CDH13: variants seen among roughly 807,000 people sequenced by gnomAD.
CDH13 encodes the protein cadherin 13, also known as cadherin-13.
A neutral mutation model predicts 63.8 loss-of-function variants in CDH13; 24 were observed. That is an observed-to-expected ratio of 0.38 (90% CI 0.27 to 0.53). The LOEUF is 0.53. CDH13 is among the 20% of genes least tolerant of loss of function. The pLI is 0.85. For missense variants in CDH13, 1,049 were observed against 903.1 expected (o/e 1.16, Z -2.07); for synonymous variants, 503 against 355.3 (o/e 1.42, Z -4.67).
chr16:82,632,007 A>G (rs1908064560), intron 1 of CDH13, among the ~76,000 whole-genome samples: 1 of 152,142 alleles, frequency 6.6e-6, no homozygotes, highest in African/African-American at 2.4e-5. Flanking sequence ...TTTGGCTCAA[A>G]TGTTTTGCAA....
At chr16:83,529,962 A>C (rs1451906572) in intron 7 of CDH13, among the ~76,000 whole-genome samples, 4 of 152,164 alleles carry the variant, frequency 2.6e-5, no homozygotes, top group Admixed American at 1.3e-4. Flanking sequence ...GTGCAAAAGA[A>C]CTTGTGAAAT....
At chr16:83,307,234 T>C (rs1274107419) in intron 5 of CDH13, among the ~76,000 whole-genome samples, 3 of 152,180 alleles carry the variant, frequency 2.0e-5, no homozygotes, top group Non-Finnish European at 2.9e-5. Flanking sequence ...CTGTGGGTGA[T>C]TGTGGCGATA....
chr16:82,772,981 A>T (rs999198467), intron 1 of CDH13, among the ~76,000 whole-genome samples: 2 of 152,006 alleles, frequency 1.3e-5, no homozygotes, highest in African/African-American at 4.8e-5. Context: ...GGTTATCAGG[A>T]AAAAAAACCA....
chr16:83,545,529 C>A (rs970007340), intron 7 of CDH13, among the ~76,000 whole-genome samples: 8 of 152,208 alleles, frequency 5.3e-5, no homozygotes, highest in African/African-American at 1.9e-4. Context: ...ACAAGGCCTT[C>A]ATGGCTGTTC....
At chr16:83,141,196 C>G (rs551390692) in intron 4 of CDH13, among the ~76,000 whole-genome samples, 70 of 152,294 alleles carry the variant, frequency 4.6e-4, no homozygotes, top group African/African-American at 1.6e-3. Context: ...GCTCCAAATA[C>G]CTCACTTGAT....
chr16:82,807,138 C>T (rs574136714), intron 1 of CDH13, among the ~76,000 whole-genome samples: 17 of 148,830 alleles, frequency 1.1e-4, no homozygotes, highest in African/African-American at 3.5e-4. Flanking sequence ...TTACTGACAA[C>T]AGACATTGCC....
chr16:83,275,726 A>G (rs1000521642), intron 5 of CDH13, among the ~76,000 whole-genome samples: 2 of 152,108 alleles, frequency 1.3e-5, no homozygotes, highest in Non-Finnish European at 2.9e-5. Context: ...GTTATACGTC[A>G]TTTCTGAACC....
chr16:83,669,308 G>A (rs1291289470), intron 8 of CDH13, among the ~76,000 whole-genome samples: 1 of 152,178 alleles, frequency 6.6e-6, no homozygotes, highest in Non-Finnish European at 1.5e-5. Flanking sequence ...TCCTGAATTG[G>A]AATAGGACTC....
chr16:83,490,018 C>CAT (rs1218189829), intron 7 of CDH13, among the ~76,000 whole-genome samples: 4 of 135,892 alleles, frequency 2.9e-5, no homozygotes, highest in Admixed American at 1.4e-4. Flanking sequence ...ACCACACACA[C>CAT]ACACACACAC....
chr16:83,706,697 G>A (rs1907113272), intron 10 of CDH13, among the ~76,000 whole-genome samples: 1 of 152,162 alleles, frequency 6.6e-6, no homozygotes, highest in Admixed American at 6.5e-5. Context: ...AGGCATGTGT[G>A]TGCACACACA....
chr16:83,615,400 A>G (rs1470512236), intron 8 of CDH13, among the ~76,000 whole-genome samples: 1 of 152,194 alleles, frequency 6.6e-6, no homozygotes, highest in Non-Finnish European at 1.5e-5. Flanking sequence ...GTGGAGTCCA[A>G]GACATTTTAA....
At chr16:82,840,549 G>T (rs187055188) in intron 1 of CDH13, among the ~76,000 whole-genome samples, 1 of 151,844 alleles carries the variant, frequency 6.6e-6, no homozygotes, top group African/African-American at 2.4e-5. Flanking sequence ...GCCAGGTATG[G>T]TGGCACGTGC....
At chr16:83,429,035 G>T (rs1243367866) in intron 6 of CDH13, among the ~76,000 whole-genome samples, 3 of 152,128 alleles carry the variant, frequency 2.0e-5, no homozygotes, top group African/African-American at 7.2e-5. Flanking sequence ...TTCTTGTCTT[G>T]ATAAGACAGT....
At chr16:82,712,422 G>A (rs980153119) in intron 1 of CDH13, among the ~76,000 whole-genome samples, 1 of 152,088 alleles carries the variant, frequency 6.6e-6, no homozygotes, top group Admixed American at 6.6e-5. Context: ...TAAATGAAAG[G>A]GAGGCATAAT....
intron 6 of CDH13, among the ~76,000 whole-genome samples, chr16:83,356,472 A>G (rs184219572): frequency 5.6e-4 from 86 of 152,252 alleles, no homozygotes; most frequent in African/African-American, 1.9e-3. Flanking sequence ...GACAGGCCAC[A>G]AATGTCAGAA....
intron 6 of CDH13, among the ~76,000 whole-genome samples, chr16:83,364,365 A>T (rs1196986925): frequency 1.3e-5 from 2 of 152,168 alleles, no homozygotes; most frequent in Non-Finnish European, 2.9e-5. Flanking sequence ...ACTGTGCAAG[A>T]TACAGAGCCA....
intron 5 of CDH13, among the ~76,000 whole-genome samples, chr16:83,233,768 T>G (rs1273224763): frequency 6.6e-6 from 1 of 152,220 alleles, no homozygotes; most frequent in Non-Finnish European, 1.5e-5. Context: ...GATCCTTTCT[T>G]TAATTTAAAT....
intron 4 of CDH13, among the ~76,000 whole-genome samples, chr16:83,162,776 G>A (rs1366082142): frequency 6.6e-6 from 1 of 152,116 alleles, no homozygotes; most frequent in Non-Finnish European, 1.5e-5. Flanking sequence ...ATCTGTATTT[G>A]TGGCAAACTC....
chr16:83,547,219 G>C (rs2075401920), intron 7 of CDH13, among the ~76,000 whole-genome samples: 1 of 152,200 alleles, frequency 6.6e-6, no homozygotes, highest in African/African-American at 2.4e-5. Flanking sequence ...GGCAAACAGG[G>C]CTTCAAGAGT....
Sources: allele counts gnomAD v4.1 joint callset (sites outside exome capture counted in the v4.1 genomes callset), GRCh38; gene constraint gnomAD v4.1.1; transcripts MANE v1.5; gene names NCBI Gene and HGNC (gene_info 2026-07-23, HGNC 2026-07-21).